Variants in ABCA13 observed in about 807,000 individuals in gnomAD.
ABCA13 encodes the protein ATP-binding cassette sub-family A member 13.
Under a neutral mutation model 478.7 loss-of-function variants are expected in ABCA13, and 476 were observed. That is an observed-to-expected ratio of 0.99 (90% CI 0.92 to 1.07). The LOEUF is 1.07. Ranked by LOEUF, ABCA13 falls within the 50% of genes least tolerant of loss-of-function variation. ABCA13 has a pLI of 0.00. For missense variants in ABCA13, 6,060 were observed against 5,910.6 expected, an observed-to-expected ratio of 1.03 and a Z score of -0.83; for synonymous variants, 2,252 against 2,158.9, an observed-to-expected ratio of 1.04 and a Z score of -1.20.
At chr7:48,236,480 A>T (rs1342932836) in intron 8 of ABCA13, among the ~76,000 whole-genome samples, 1 of 152,208 alleles carries the variant, frequency 6.6e-6, no homozygotes, top group Admixed American at 6.5e-5. Context: ...TATGCCAAAG[A>T]AACATACTTT....
At chr7:48,323,241 G>T (rs903043336) in intron 27 of ABCA13, among the ~76,000 whole-genome samples, 5 of 152,176 alleles carry the variant, frequency 3.3e-5, no homozygotes, top group Admixed American at 3.3e-4. Context: ...TTCATGAGGG[G>T]CAGGAGCTTG....
intron 59 of ABCA13, among the ~76,000 whole-genome samples, chr7:48,639,099 A>T (rs1227881920): frequency 6.6e-6 from 1 of 152,166 alleles, no homozygotes; most frequent in Non-Finnish European, 1.5e-5. Context: ...CTCACAGAGG[A>T]TACAGGACAG....
In ABCA13 at chr7:48,387,819, T is replaced by G; in HGVS notation, c.11336-3T>G. 6.4e-7 allele frequency: 1 copy of G among 1,560,924 alleles called. No individual in the cohort carries two copies. ...AACTAATTTTAATTGTTTCATTTTT[T>G]AGGAACATTTGGTTTACGGAAACCA... is the stretch of plus-strand genomic sequence containing the variant. On this transcript the variant is annotated splice_polypyrimidine_tract_variant and splice_region_variant and intron_variant, in intron 35 of 61. Coordinates refer to ENST00000435803, the MANE Select transcript of ABCA13 (RefSeq NM_152701.5).
At chr7:48,612,101 C>T (rs1792084033) in intron 58 of ABCA13, 1 of 152,136 alleles carries the variant, frequency 6.6e-6, no homozygotes, top group Non-Finnish European at 1.5e-5. Flanking sequence ...GCCTTGGGTT[C>T]TTTCCACCGT....
chr7:48,373,067 C>T (rs950404558), intron 33 of ABCA13, among the ~76,000 whole-genome samples: 8 of 152,148 alleles, frequency 5.3e-5, no homozygotes, highest in Non-Finnish European at 1.0e-4. Flanking sequence ...TCAATCAAAG[C>T]GAGGGTGAAC....
intron 42 of ABCA13, among the ~76,000 whole-genome samples, chr7:48,434,526 A>G (rs1458290520): frequency 6.6e-6 from 1 of 151,774 alleles, no homozygotes; most frequent in Non-Finnish European, 1.5e-5. Flanking sequence ...AATTTAGCTT[A>G]CCTATTTTGT....
intron 45 of ABCA13, among the ~76,000 whole-genome samples, chr7:48,475,982 G>A (rs1450346398): frequency 2.6e-5 from 4 of 152,274 alleles, no homozygotes; most frequent in African/African-American, 2.4e-5. Flanking sequence ...ACATGTCATC[G>A]GGACTGAGTG....
Position 48,276,026 on chromosome 7 carries a change from A to G in ABCA13, c.6360A>G (p.Glu2120=), listed in dbSNP as rs1323640779. Residue 2120 remains glutamate, a synonymous_variant, in exon 17 of 62, where the codon GAA becomes GAG. Transcript: ENST00000435803. ...SPSLKTLEII[E]DFLLVTKNWL... ...CATTGAAGACATTAGAAATTATTGA[A>G]GATTTTCTATTGGTCACAAAAAACT... The G allele has an allele frequency of 5.0e-6, 8 of 1,610,618 alleles. No individual in the cohort carries two copies. The highest frequency in any genetic ancestry group is 6.8e-6 in the Non-Finnish European group (8 of 1,178,138).
Position 48,245,516 on chromosome 7 carries a change from C to A in ABCA13, c.1395C>A (p.Val465=), listed in dbSNP as rs1288116006. 1.2e-6 allele frequency: 2 copies of A among 1,608,816 alleles called. No individual in the cohort carries two copies. Among genetic ancestry groups the A allele is most frequent in the East Asian group, 2.2e-5 (1 of 44,760 alleles). The stretch of plus-strand genomic sequence containing the variant: ...ATCAATTTGTCTACTTTGCAGAAGT[C>A]CTCATTTGCCTGGAGACATCAGCTA... ...IAQNLHFVQE[V]LICLETSAND... Residue 465 remains valine (V), a synonymous_variant, in exon 12 of 62, where the codon GTC becomes GTA. Transcript: ENST00000435803.
rs1432151370 is a variant in ABCA13 at position 48,403,589 on chromosome 7, T to C, written c.11874-94T>C. 4 of 1,278,360 alleles carry C rather than the reference T, an allele frequency of 3.1e-6. No homozygotes were observed. The African/African-American group carries it at 5.9e-5, about 19-fold the overall frequency. The allele number at this position is 1,278,360 out of a possible 1,614,324, so 79.2% of individuals were successfully genotyped here. A position where few individuals can be genotyped will look rare whatever the true frequency, so the allele number is the denominator to read the frequency against. ...GTGATATATTTGTGGTTTATAACGA[T>C]TTCAGCCACTGTTAGTCATTATTTC... On this transcript the variant is annotated intron_variant, in intron 38 of 61. Transcript: ENST00000435803.
chr7:48,391,958 A>G lies in ABCA13; in HGVS notation c.11692A>G (p.Thr3898Ala), dbSNP rs367947332. 5.0e-6 allele frequency: 8 copies of G among 1,613,878 alleles called. No individual in the cohort carries two copies. The African/African-American group carries it at 6.7e-5, about 13-fold the overall frequency. The change falls in exon 38 of 62, where the codon ACC becomes GCC. Residue 3898 changes from threonine (T) to alanine (A), a missense_variant. Transcript: ENST00000435803. ...GGGGCTCCACCCTCCCACTTCTGGA[A>G]CCATCATCATCAATGGCAAGAACCT... The part of the protein sequence containing the change: ...LTGLHPPTSG[T>A]IIINGKNLQT...
Position 48,276,314 on chromosome 7 carries a change from A to G in ABCA13, c.6648A>G (p.Leu2216=), listed in dbSNP as rs1413189157. The change falls in exon 17 of 62, where the codon TTA becomes TTG. Residue 2216 remains leucine (L), a synonymous_variant. Transcript: ENST00000435803. ...TCCTAATTAATTTGATCAATAACTT[A>G]GCTGGGAATTCTCAGGAAGCAGCTT... ...ENILINLINN[L]AGNSQEAAWN... 6.4e-7 allele frequency: 1 copy of G among 1,554,628 alleles called. No homozygotes were observed. The highest frequency in any genetic ancestry group is 1.2e-5 in the South Asian group (1 of 83,020).
At chr7:48,190,759 G>A (rs1371867544) in intron 1 of ABCA13, among the ~76,000 whole-genome samples, 1 of 152,074 alleles carries the variant, frequency 6.6e-6, no homozygotes, top group East Asian at 1.9e-4. Flanking sequence ...GTGCTGTTAT[G>A]GAAAATTGGT....
In ABCA13 at chr7:48,354,145, A is replaced by T. The variant is rs565133697; in HGVS notation, c.10688+1658A>T. Among the ~76,000 whole-genome samples, 35 of 152,082 alleles carry T rather than the reference A, an allele frequency of 2.3e-4. 1 individual carries two copies. The highest frequency in any genetic ancestry group is 8.5e-4 in the African/African-American group (35 of 41,360). On this transcript the variant is annotated intron_variant, in intron 31 of 61. Transcript: ENST00000435803. ...AGATACTGGGAGAAGCCGAAGTTTTATTATGCTCATTTTCTAAAGGCAAAC... is the reference window on the plus strand; with the variant it reads ...AGATACTGGGAGAAGCCGAAGTTTTTTTATGCTCATTTTCTAAAGGCAAAC...
intron 31 of ABCA13, among the ~76,000 whole-genome samples, chr7:48,359,338 A>C (rs1176665928): frequency 6.6e-6 from 1 of 151,910 alleles, no homozygotes; most frequent in African/African-American, 2.4e-5. Context: ...AGAGTCTTAA[A>C]TGCCCCTTAC....
chr7:48,274,690 T>C lies in ABCA13; in HGVS notation c.5024T>C (p.Ile1675Thr), dbSNP rs1301257928. ...ATGCGTACCCTTAAGAAGGCAGACA[T>C]AGACCTTTTAGTGGATCAGCTTGAA... is the stretch of plus-strand genomic sequence containing the variant. ...SVMRTLKKAD[I>T]DLLVDQLEQV... is the part of the protein sequence containing the mutation. Residue 1675 changes from isoleucine (I) to threonine (T), a missense_variant, in exon 17 of 62, where the codon ATA (isoleucine) becomes ACA (threonine). Transcript: ENST00000435803. The C allele has an allele frequency of 3.7e-5, 60 of 1,613,826 alleles. No individual in the cohort carries two copies. The highest frequency in any genetic ancestry group is 4.7e-5 in the Non-Finnish European group (55 of 1,179,850).
At chr7:48,510,472 C>T (rs1396830175) in intron 50 of ABCA13, among the ~76,000 whole-genome samples, 4 of 152,178 alleles carry the variant, frequency 2.6e-5, no homozygotes, top group East Asian at 3.9e-4. Context: ...CTTGGTTCTA[C>T]GTGTGTGGGA....
intron 41 of ABCA13, among the ~76,000 whole-genome samples, chr7:48,422,510 A>T (rs10271606): frequency 0.13 from 19,262 of 152,194 alleles, 1,530 homozygotes; most frequent in African/African-American, 0.2. Flanking sequence ...AGACCAAGAG[A>T]CCAAAAAGGT....
chr7:48,508,177 T>C (rs1208001594), intron 50 of ABCA13, 128 bp downstream of exon 50: 2 of 1,114,894 alleles, frequency 1.8e-6, no homozygotes, highest in East Asian at 2.5e-5. Flanking sequence ...GGTCATCTTA[T>C]TGATAAGAGC....
Sources: allele counts gnomAD v4.1 joint callset (sites outside exome capture counted in the v4.1 genomes callset), GRCh38; gene constraint gnomAD v4.1.1; transcripts MANE v1.5; gene names NCBI Gene and HGNC (gene_info 2026-07-23, HGNC 2026-07-21).